ADAM9: variants seen among roughly 807,000 people sequenced by gnomAD.
The protein encoded by ADAM9 is disintegrin and metalloproteinase domain-containing protein 9.
Under a neutral mutation model 108.1 loss-of-function variants are expected in ADAM9, and 54 were observed. That is an observed-to-expected ratio of 0.50 (90% CI 0.40 to 0.63). The LOEUF (loss-of-function observed/expected upper bound fraction) is 0.63, where lower values mean the gene tolerates loss of function less well. ADAM9 is among the 20% of genes least tolerant of loss of function. The probability of loss-of-function intolerance (pLI) is 0.00; values close to 1 mark genes in which losing one functional copy is unlikely to be tolerated. For missense variants in ADAM9, 830 were observed against 997.7 expected (o/e 0.83, Z 2.26); for synonymous variants, 316 against 336.0 (o/e 0.94, Z 0.65).
At chr8:39,011,938 C>T (rs1438769338) in intron 3 of ADAM9, among the ~76,000 whole-genome samples, 1 of 152,142 alleles carries the variant, frequency 6.6e-6, no homozygotes, top group African/African-American at 2.4e-5. Flanking sequence ...TTATTCTTTT[C>T]AAATGCATCA....
chr8:39,029,314 G>C (rs1340190925), intron 11 of ADAM9, among the ~76,000 whole-genome samples: 1 of 152,032 alleles, frequency 6.6e-6, no homozygotes. Context: ...ACATGAGGTA[G>C]AGGGACACTG....
chr8:39,026,843 G>A, intron 11 of ADAM9, 33 bp downstream of exon 11: 12 of 1,612,204 alleles, frequency 7.4e-6, no homozygotes, highest in Non-Finnish European at 1.0e-5. Context: ...TCCTTTATTT[G>A]GTATTGTAGA....
At chr8:39,095,755 C>A in intron 20 of ADAM9, among the ~76,000 whole-genome samples, 1 of 152,132 alleles carries the variant, frequency 6.6e-6, no homozygotes, top group South Asian at 2.1e-4. Context: ...TGCTATTTAG[C>A]TCTCTCTCCA....
intron 20 of ADAM9, among the ~76,000 whole-genome samples, chr8:39,091,557 G>A (rs112816508): frequency 3.9e-5 from 6 of 152,248 alleles, no homozygotes; most frequent in Admixed American, 6.5e-5. Flanking sequence ...GCACAATTGC[G>A]TCTCATTGCA....
chr8:39,050,069 A>G (rs558532105), intron 12 of ADAM9, among the ~76,000 whole-genome samples: 5 of 152,200 alleles, frequency 3.3e-5, no homozygotes, highest in African/African-American at 9.6e-5. Context: ...TTCTTTCATT[A>G]CTTTAATATG....
chr8:39,102,021 T>C, intron 21 of ADAM9, 91 bp downstream of exon 21: 1 of 1,094,638 alleles, frequency 9.1e-7, no homozygotes, highest in South Asian at 1.3e-5. Flanking sequence ...TGTAATTTAG[T>C]GAAAGGTATT....
chr8:39,072,559 G>A (rs937394025), intron 15 of ADAM9, among the ~76,000 whole-genome samples: 3 of 152,080 alleles, frequency 2.0e-5, no homozygotes, highest in Non-Finnish European at 4.4e-5. Flanking sequence ...GTTTACTTCC[G>A]TGGCTTCATT....
chr8:39,088,248 T>G (rs1588427672), intron 18 of ADAM9, among the ~76,000 whole-genome samples: 1 of 150,768 alleles, frequency 6.6e-6, no homozygotes. Flanking sequence ...GGATAAATAT[T>G]GTTTCATATA....
intron 15 of ADAM9, 62 bp from the exon 16 acceptor site, chr8:39,077,166 T>G (rs1838873624): frequency 6.4e-7 from 1 of 1,566,446 alleles, no homozygotes; most frequent in East Asian, 2.2e-5. Flanking sequence ...AATATATAAA[T>G]TTTTTCTTTT....
chr8:39,033,461 T>C (rs1250008253), intron 11 of ADAM9, among the ~76,000 whole-genome samples: 2 of 151,956 alleles, frequency 1.3e-5, no homozygotes, highest in East Asian at 3.9e-4. Flanking sequence ...TTGCTTTACC[T>C]TCCTCACATT....
At chr8:39,042,691 A>G (rs1449661696) in intron 12 of ADAM9, among the ~76,000 whole-genome samples, 3 of 152,100 alleles carry the variant, frequency 2.0e-5, no homozygotes, top group Non-Finnish European at 4.4e-5. Flanking sequence ...CTGTTCATTT[A>G]TATACAGTAT....
chr8:39,043,455 C>T (rs369844990), intron 12 of ADAM9, among the ~76,000 whole-genome samples: 3 of 151,880 alleles, frequency 2.0e-5, no homozygotes, highest in South Asian at 2.1e-4. Flanking sequence ...TGTTTTTTTC[C>T]GTGATAGCAA....
chr8:39,075,250 C>T (rs1193659586), intron 15 of ADAM9, among the ~76,000 whole-genome samples: 1 of 152,010 alleles, frequency 6.6e-6, no homozygotes, highest in African/African-American at 2.4e-5. Context: ...ATATTTTTGG[C>T]GAGAATGTTC....
intron 14 of ADAM9, among the ~76,000 whole-genome samples, chr8:39,066,218 G>T (rs1194055849): frequency 6.6e-6 from 1 of 152,190 alleles, no homozygotes; most frequent in Non-Finnish European, 1.5e-5. Context: ...ACATACGTGT[G>T]CATATGTCTT....
chr8:39,009,902 G>T (rs902927418), intron 2 of ADAM9, among the ~76,000 whole-genome samples: 10 of 94,436 alleles, frequency 1.1e-4, no homozygotes, highest in Admixed American at 6.3e-4. Context: ...TGATGGGGGG[G>T]GGGGGCAGGG....
At position 39,064,463 on chromosome 8, in the gene ADAM9, G is replaced by A. The variant is rs76224430; in HGVS notation, c.1592-6835G>A. Among the ~76,000 whole-genome samples the A allele has an allele frequency of 5.4e-3, 826 of 152,220 alleles. 49 individuals are homozygous for A. In the East Asian group the frequency reaches 0.14, roughly 26 times the overall value. On this transcript the variant is annotated intron_variant, in intron 14 of 21. Transcript: ENST00000487273. ...TTTATTATAAGCAATTGGCTCATGC[G>A]ATTATGGTAAGCAACTGAAAATCCC...
Position 39,104,441 on chromosome 8 carries a change from T to C in ADAM9, c.*741T>C, listed in dbSNP as rs1839801127. On this transcript the variant is annotated 3_prime_UTR_variant, in exon 22 of 22. Coordinates refer to ENST00000487273, the MANE Select transcript of ADAM9 (RefSeq NM_003816.3). ...GAATCATGTGAAAGCATGACATTCG[T>C]TCACAATAGCACTATTTTAAATAAA... The C allele has an allele frequency of 4.7e-6, 2 of 424,404 alleles. No individual in the cohort carries two copies. Among genetic ancestry groups the C allele is most frequent in the Non-Finnish European group, 9.4e-6 (2 of 212,128 alleles). The allele number at this position is 424,404 out of a possible 1,614,324, so 26.3% of individuals were successfully genotyped here.
At chr8:39,039,694 G>A (rs1376659109) in intron 11 of ADAM9, among the ~76,000 whole-genome samples, 1 of 152,216 alleles carries the variant, frequency 6.6e-6, no homozygotes, top group South Asian at 2.1e-4. Context: ...CATCCTCCAG[G>A]TTCCTCCATG....
intron 12 of ADAM9, among the ~76,000 whole-genome samples, chr8:39,042,818 G>A (rs1430066503): frequency 1.3e-5 from 2 of 152,136 alleles, no homozygotes; most frequent in Non-Finnish European, 2.9e-5. Flanking sequence ...GTCCAGTACA[G>A]TATTGTTAAC....
Sources: gnomAD v4.1 joint callset for allele counts (sites outside exome capture counted in the v4.1 genomes callset) on GRCh38, gnomAD v4.1.1 for gene constraint, MANE v1.5 for transcripts, NCBI Gene and HGNC (gene_info 2026-07-23, HGNC 2026-07-21) for gene names.